Variants in DNAAF10 observed in about 807,000 individuals in gnomAD.
DNAAF10 encodes the protein WD repeat domain 92.
Under a neutral mutation model 43.7 loss-of-function variants are expected in DNAAF10, and 28 were observed. That is an observed-to-expected ratio of 0.64 (90% CI 0.48 to 0.88). DNAAF10 has a LOEUF of 0.88. DNAAF10 is among the 40% of genes least tolerant of loss of function. The pLI is 0.00. For synonymous variants in DNAAF10, 156 were observed against 157.3 expected, an observed-to-expected ratio of 0.99 and a Z score of 0.06; for missense variants, 403 against 439.1, an observed-to-expected ratio of 0.92 and a Z score of 0.73.
In DNAAF10 at chr2:68,153,460, C is replaced by T. The variant is rs547500044; in HGVS notation, c.183+3801G>A. Among the ~76,000 whole-genome samples the T allele has an allele frequency of 6.6e-5, 10 of 151,708 alleles. No homozygotes were observed. The East Asian group carries it at 1.7e-3, about 26-fold the overall frequency. On this transcript the variant is annotated intron_variant, in intron 1 of 7. Coordinates refer to ENST00000295121, the MANE Select transcript of DNAAF10 (RefSeq NM_138458.4). ...CCTAATATTTTAATAAATGACCCAT[C>T]TAGCTCAATGGTTCTCAGCTCTGAG...
chr2:68,137,191 G>C (rs1673064172), intron 6 of DNAAF10, 108 bp downstream of exon 6: 2 of 1,267,354 alleles, frequency 1.6e-6, no homozygotes, highest in Non-Finnish European at 2.1e-6. Flanking sequence ...ATCAAAAATA[G>C]CTCCCTTCAC....
chr2:68,150,655 C>T (rs571723370), intron 1 of DNAAF10, among the ~76,000 whole-genome samples: 33 of 152,248 alleles, frequency 2.2e-4, no homozygotes, highest in African/African-American at 7.5e-4. Context: ...ACTGCTTGAA[C>T]CCAGAGGGCG....
rs1672905048 is a variant in DNAAF10 at position 68,130,362 on chromosome 2, C to T, written c.*876G>A. 2 of 151,636 alleles carry T rather than the reference C, an allele frequency of 1.3e-5. No homozygotes were observed. The highest frequency in any genetic ancestry group is 4.8e-5 in the African/African-American group (2 of 41,268). 9.4% of individuals were successfully genotyped at this position (151,636 alleles called of 1,614,324 possible). ...GGCCAGGCTGGTCTCGAATTCCTGACCTCGTGATTCACCCGCCTCAGCCTC... is the reference window on the plus strand; with the variant it reads ...GGCCAGGCTGGTCTCGAATTCCTGATCTCGTGATTCACCCGCCTCAGCCTC... On this transcript the variant is annotated 3_prime_UTR_variant, in exon 8 of 8. Transcript: ENST00000295121.
intron 1 of DNAAF10, among the ~76,000 whole-genome samples, chr2:68,156,101 C>CAAAAAA (rs10606309): frequency 1.2e-4 from 7 of 58,588 alleles, no homozygotes; most frequent in Admixed American, 2.3e-4. Flanking sequence ...GACCCTGTCT[C>CAAAAAA]AAAAAAAAAA....
intron 1 of DNAAF10, among the ~76,000 whole-genome samples, chr2:68,151,664 A>G (rs1673461713): frequency 6.6e-6 from 1 of 152,200 alleles, no homozygotes; most frequent in Non-Finnish European, 1.5e-5. Flanking sequence ...AGGGACAGAC[A>G]AACCAGGGCT....
At chr2:68,131,654 A>G in intron 7 of DNAAF10, 1 of 538,322 alleles carries the variant, frequency 1.9e-6, no homozygotes, top group East Asian at 3.2e-5. Flanking sequence ...AAGGGTTATT[A>G]GTTCTACTAA....
At chr2:68,133,071 T>TG (rs1439371863) in intron 7 of DNAAF10, among the ~76,000 whole-genome samples, 4 of 152,014 alleles carry the variant, frequency 2.6e-5, no homozygotes, top group Admixed American at 2.6e-4. Context: ...GAGTCTAACG[T>TG]GGGGAGGAGA....
At chr2:68,140,093 G>C (rs1186233561) in intron 4 of DNAAF10, among the ~76,000 whole-genome samples, 1 of 152,138 alleles carries the variant, frequency 6.6e-6, no homozygotes, top group Admixed American at 6.5e-5. Flanking sequence ...TTTATAATCT[G>C]TGGTTAAACT....
At chr2:68,153,784 C>T (rs545950030) in intron 1 of DNAAF10, among the ~76,000 whole-genome samples, 2 of 130,768 alleles carry the variant, frequency 1.5e-5, no homozygotes, top group East Asian at 4.6e-4. Flanking sequence ...ACAGAGTCTT[C>T]CTCTGTCTTC....
At chr2:68,149,490 C>T (rs920137124) in intron 1 of DNAAF10, among the ~76,000 whole-genome samples, 8 of 152,076 alleles carry the variant, frequency 5.3e-5, no homozygotes, top group Non-Finnish European at 1.2e-4. Context: ...TATTCACTGC[C>T]GCAGAAAATT....
chr2:68,137,781 T>G (rs1397966379), intron 5 of DNAAF10, among the ~76,000 whole-genome samples: 7 of 144,408 alleles, frequency 4.8e-5, no homozygotes, highest in African/African-American at 1.0e-4. Context: ...GCAGGAGAAT[T>G]GCTTGAACCC....
intron 3 of DNAAF10, 146 bp from the exon 4 acceptor site, chr2:68,141,941 A>G: frequency 1.5e-6 from 1 of 673,830 alleles, no homozygotes; most frequent in Non-Finnish European, 2.6e-6. Flanking sequence ...TCTGACTTCT[A>G]ATTGGGTAAG....
intron 1 of DNAAF10, among the ~76,000 whole-genome samples, chr2:68,149,060 G>T (rs117267175): frequency 6.6e-6 from 1 of 152,122 alleles, no homozygotes. Flanking sequence ...ATCCCTCCCA[G>T]GTTGGCCTGT....
At chr2:68,149,598 G>T (rs1326285169) in intron 1 of DNAAF10, among the ~76,000 whole-genome samples, 7 of 152,136 alleles carry the variant, frequency 4.6e-5, no homozygotes, top group Non-Finnish European at 7.4e-5. Flanking sequence ...AAAGCACATG[G>T]TTTCTAACTG....
intron 7 of DNAAF10, among the ~76,000 whole-genome samples, chr2:68,132,404 T>C (rs934640626): frequency 1.3e-5 from 2 of 152,224 alleles, no homozygotes; most frequent in Admixed American, 1.3e-4. Context: ...AAATAAAACA[T>C]TCAGATGAAT....
At chr2:68,154,988 G>A (rs1673557280) in intron 1 of DNAAF10, among the ~76,000 whole-genome samples, 1 of 151,754 alleles carries the variant, frequency 6.6e-6, no homozygotes, top group Non-Finnish European at 1.5e-5. Context: ...TGCCTAGGCT[G>A]GTCTTGAACT....
chr2:68,157,081 G>A (rs1673641214), intron 1 of DNAAF10, 180 bp downstream of exon 1: 5 of 879,554 alleles, frequency 5.7e-6, no homozygotes, highest in Non-Finnish European at 8.4e-6. Context: ...CTACCCCGCG[G>A]ATGAGAAGAA....
intron 4 of DNAAF10, among the ~76,000 whole-genome samples, chr2:68,139,100 G>A (rs779353382): frequency 3.9e-5 from 6 of 152,184 alleles, no homozygotes; most frequent in African/African-American, 7.2e-5. Context: ...CAAATCTGAT[G>A]TTGACGTATG....
At position 68,157,372 on chromosome 2, in the gene DNAAF10, ACAGT is replaced by A; in HGVS notation, c.68_71del (p.Asp23ValfsTer11). The A allele has an allele frequency of 6.2e-7, 1 of 1,614,138 alleles. No individual in the cohort carries two copies. Among genetic ancestry groups the A allele is most frequent in the Non-Finnish European group, 8.5e-7 (1 of 1,180,006 alleles). ...ATTTGGCGCTGCAGGGCACCCACTT[ACAGT>A]CAAACACCGTGTAGTTGAAGCCCTT... On this transcript the variant is annotated frameshift_variant, in exon 1 of 8. Transcript: ENST00000295121. LOFTEE classifies it high-confidence loss of function.
Sources: gnomAD v4.1 joint callset for allele counts (sites outside exome capture counted in the v4.1 genomes callset) on GRCh38, gnomAD v4.1.1 for gene constraint, MANE v1.5 for transcripts, NCBI Gene and HGNC (gene_info 2026-07-23, HGNC 2026-07-21) for gene names.